USH2A: variants seen among roughly 807,000 people sequenced by gnomAD.
The protein encoded by USH2A is usherin, also known as Usher syndrome 2A (autosomal recessive, mild).
Under a neutral mutation model 538.9 loss-of-function variants are expected in USH2A, and 443 were observed. That is an observed-to-expected ratio of 0.82 (90% CI 0.76 to 0.89). The LOEUF is 0.89. Among genes scored for constraint, USH2A ranks in the 40% least tolerant of loss-of-function variants. The pLI, the probability that USH2A is intolerant of heterozygous loss-of-function variation, is 0.00. For synonymous variants in USH2A, 2,413 were observed against 2,273.5 expected, an observed-to-expected ratio of 1.06 and a Z score of -1.75; for missense variants, 6,633 against 6,324.8, an observed-to-expected ratio of 1.05 and a Z score of -1.65.
intron 41 of USH2A, among the ~76,000 whole-genome samples, chr1:215,888,196 C>T (rs758356600): frequency 6.6e-6 from 1 of 151,950 alleles, no homozygotes; most frequent in South Asian, 2.1e-4. Flanking sequence ...TTCAGGTGTG[C>T]GAGGCAAATG....
intron 40 of USH2A, among the ~76,000 whole-genome samples, chr1:215,896,002 TATC>T (rs1203714148): frequency 2.0e-5 from 3 of 152,188 alleles, no homozygotes; most frequent in African/African-American, 4.8e-5. Context: ...AAAAATATGA[TATC>T]ATCATCTTAT....
intron 61 of USH2A, among the ~76,000 whole-genome samples, chr1:215,680,622 G>A (rs535282354): frequency 6.6e-6 from 1 of 151,548 alleles, no homozygotes; most frequent in Non-Finnish European, 1.5e-5. Flanking sequence ...TAGCATCCTT[G>A]ACTTTTCAGT....
chr1:216,370,677 CAAAAAAAAAA>C (rs58845914), intron 3 of USH2A, among the ~76,000 whole-genome samples: 4 of 29,990 alleles, frequency 1.3e-4, no homozygotes, highest in African/African-American at 3.3e-4. Context: ...GACTCTGTCT[CAAAAAAAAAA>C]AAAAAAAAAA....
intron 21 of USH2A, among the ~76,000 whole-genome samples, chr1:216,152,086 G>C (rs1398338292): frequency 3.3e-5 from 5 of 151,840 alleles, no homozygotes; most frequent in East Asian, 1.9e-4. Flanking sequence ...GCCCCTAATC[G>C]CACTTGAAGC....
intron 58 of USH2A, among the ~76,000 whole-genome samples, chr1:215,744,747 T>C (rs771144182): frequency 1.1e-4 from 16 of 152,240 alleles, no homozygotes; most frequent in Non-Finnish European, 2.2e-4. Flanking sequence ...AAGAGGTGTC[T>C]GAAGGAGATA....
intron 61 of USH2A, among the ~76,000 whole-genome samples, chr1:215,686,149 A>C (rs116149108): frequency 6.6e-6 from 1 of 152,236 alleles, no homozygotes; most frequent in Non-Finnish European, 1.5e-5. Context: ...AGACTCTATA[A>C]AATTGCAATG....
At chr1:215,881,432 G>A (rs1489530363) in intron 41 of USH2A, among the ~76,000 whole-genome samples, 3 of 152,124 alleles carry the variant, frequency 2.0e-5, no homozygotes, top group Admixed American at 1.3e-4. Flanking sequence ...GAGCCACCAC[G>A]CCCTGCCCAT....
intron 21 of USH2A, chr1:216,174,970 C>T: frequency 8.0e-7 from 1 of 1,251,386 alleles, no homozygotes; most frequent in African/African-American, 1.5e-5. Context: ...TGTCCTGGCA[C>T]ATACTTCACA....
intron 15 of USH2A, among the ~76,000 whole-genome samples, chr1:216,214,405 TTTG>T (rs1422379688): frequency 6.6e-6 from 1 of 152,000 alleles, no homozygotes; most frequent in Non-Finnish European, 1.5e-5. Context: ...TCAAAAACAT[TTTG>T]TTAAGATGAA....
At chr1:215,836,565 A>AATATATATATATATATATATT (rs1663536970) in intron 47 of USH2A, among the ~76,000 whole-genome samples, 1 of 32,880 alleles carries the variant, frequency 3.0e-5, no homozygotes, top group Non-Finnish European at 5.8e-5. Flanking sequence ...ATATATATAT[A>AATATATATATATATATATATT]TTTTTTTTTG....
chr1:216,003,930 T>A (rs2102486086), intron 32 of USH2A, among the ~76,000 whole-genome samples: 1 of 152,236 alleles, frequency 6.6e-6, no homozygotes, highest in African/African-American at 2.4e-5. Flanking sequence ...GGGCCAGTAA[T>A]AATCAAGTAA....
At position 216,331,258 on chromosome 1, in the gene USH2A, A is replaced by G. The variant is rs2037857302; in HGVS notation, c.785-3604T>C. ...TGCTACTTGCCAATTTTTTAACAAC[A>G]GATATTCATTGGGATAAACATTCCA... On this transcript the variant is annotated intron_variant, in intron 4 of 71. Coordinates refer to ENST00000307340, the MANE Select transcript of USH2A (RefSeq NM_206933.4). Among the ~76,000 whole-genome samples, 3 of 152,166 alleles carry G rather than the reference A, an allele frequency of 2.0e-5. 1 individual carries two copies. In the South Asian group the frequency reaches 6.2e-4, roughly 32 times the overall value.
chr1:215,779,768 C>T (rs992359224), intron 55 of USH2A, 75 bp downstream of exon 55: 6 of 1,559,156 alleles, frequency 3.8e-6, no homozygotes, highest in Non-Finnish European at 5.2e-6. Context: ...AAACACACAC[C>T]CCTGGGATGC....
At chr1:215,813,109 A>G (rs1359105438) in intron 49 of USH2A, among the ~76,000 whole-genome samples, 1 of 152,208 alleles carries the variant, frequency 6.6e-6, no homozygotes, top group East Asian at 1.9e-4. Flanking sequence ...AATGGCAGTT[A>G]TTATTAGCAT....
chr1:215,890,134 C>A lies in USH2A; in HGVS notation c.7595-1080G>T, dbSNP rs141251811. 5.4e-3 allele frequency among the ~76,000 whole-genome samples: 824 copies of A among 152,228 alleles called. 4 individuals carry two copies. Among genetic ancestry groups the A allele is most frequent in the Middle Eastern group, 0.017 (5 of 294 alleles). On this transcript the variant is annotated intron_variant, in intron 40 of 71. Transcript: ENST00000307340. ...CATTTAGCATTCTTATAAACCACGGCCTGAAATCTATAAATTGCTAAAACA... is the reference window on the plus strand; with the variant it reads ...CATTTAGCATTCTTATAAACCACGGACTGAAATCTATAAATTGCTAAAACA...
chr1:215,948,425 G>GATATATATATATATAT (rs143122492), intron 37 of USH2A, among the ~76,000 whole-genome samples: 1 of 144,552 alleles, frequency 6.9e-6, no homozygotes, highest in African/African-American at 2.6e-5. Flanking sequence ...TATTTGTTCA[G>GATATATATATATATAT]ATATATATAT....
At position 216,403,763 on chromosome 1, in the gene USH2A, A is replaced by T. The variant is rs144477820; in HGVS notation, c.651+14751T>A. 9.1e-4 allele frequency among the ~76,000 whole-genome samples: 139 copies of T among 152,310 alleles called. No homozygotes were observed. In the Middle Eastern group the frequency reaches 0.027, roughly 30 times the overall value. On this transcript the variant is annotated intron_variant, in intron 3 of 71. Transcript: ENST00000307340. ...AGTTTGGCTGTGTCTCCACCCAAATATCATCTTGAACTGTATAATCCCCAT... is the reference window on the plus strand; with the variant it reads ...AGTTTGGCTGTGTCTCCACCCAAATTTCATCTTGAACTGTATAATCCCCAT...
Position 216,327,577 on chromosome 1 carries a change from C to G in USH2A, c.848+14G>C. ...CTTTCGGTTCTTGAGGTTTACAATGCAACATCTGCTTACCTGTTTGTAAGT... is the reference window on the plus strand; with the variant it reads ...CTTTCGGTTCTTGAGGTTTACAATGGAACATCTGCTTACCTGTTTGTAAGT... On this transcript the variant is annotated intron_variant, in intron 5 of 71. Transcript: ENST00000307340. 1 of 1,612,894 alleles carries G rather than the reference C, an allele frequency of 6.2e-7. No homozygotes were observed.
intron 44 of USH2A, among the ~76,000 whole-genome samples, chr1:215,854,392 A>G (rs1474990890): frequency 2.6e-5 from 4 of 152,124 alleles, no homozygotes; most frequent in African/African-American, 9.7e-5. Flanking sequence ...ATACAGCCAA[A>G]CCATATCAAA....
Sources: allele counts gnomAD v4.1 joint callset (sites outside exome capture counted in the v4.1 genomes callset), GRCh38; gene constraint gnomAD v4.1.1; transcripts MANE v1.5; gene names NCBI Gene and HGNC (gene_info 2026-07-23, HGNC 2026-07-21).